The following SGPP2 variants were observed in gnomAD, a reference collection of about 807,000 sequenced individuals.
SGPP2 encodes sphingosine 1-phosphate phosphohydrolase 2.
Under a neutral mutation model 33.9 loss-of-function variants are expected in SGPP2, and 30 were observed. The ratio of observed to expected loss-of-function variants is 0.89; its 90% confidence interval spans 0.66 to 1.20. The LOEUF (loss-of-function observed/expected upper bound fraction) is 1.20. SGPP2 is among the 50% of genes most tolerant of loss of function. The pLI, the probability that SGPP2 is intolerant of heterozygous loss-of-function variation, is 0.00. For synonymous variants in SGPP2, 233 were observed against 225.0 expected, an observed-to-expected ratio of 1.04 and a Z score of -0.32; for missense variants, 458 against 532.1, an observed-to-expected ratio of 0.86 and a Z score of 1.37.
chr2:222,545,283 CTT>C (rs544252205), intron 4 of SGPP2, among the ~76,000 whole-genome samples: 48 of 135,854 alleles, frequency 3.5e-4, no homozygotes, highest in Non-Finnish European at 5.1e-4. Flanking sequence ...GAGCTTATGG[CTT>C]TTTTTTTTTT....
chr2:222,438,880 A>ATTTGGCCT (rs1485457153), intron 1 of SGPP2, among the ~76,000 whole-genome samples: 3 of 152,066 alleles, frequency 2.0e-5, no homozygotes, highest in African/African-American at 2.4e-5. Context: ...AATGGCTTCC[A>ATTTGGCCT]TTTGGCCTTT....
intron 1 of SGPP2, among the ~76,000 whole-genome samples, chr2:222,435,041 T>TATATATACAC (rs1257109779): frequency 4.1e-5 from 6 of 146,626 alleles, no homozygotes; most frequent in South Asian, 4.4e-4. Context: ...TATATATGTG[T>TATATATACAC]ATATATATAC....
At chr2:222,518,305 A>G (rs2106130852) in intron 2 of SGPP2, among the ~76,000 whole-genome samples, 1 of 152,362 alleles carries the variant, frequency 6.6e-6, no homozygotes, top group African/African-American at 2.4e-5. Flanking sequence ...ATAAATGAAG[A>G]CAAAGGAACT....
chr2:222,448,694 G>A (rs958094919), intron 1 of SGPP2, among the ~76,000 whole-genome samples: 2 of 152,212 alleles, frequency 1.3e-5, no homozygotes, highest in Non-Finnish European at 1.5e-5. Context: ...CCATGCAGAA[G>A]TCTCAAATTC....
intron 1 of SGPP2, among the ~76,000 whole-genome samples, chr2:222,474,312 C>CT (rs1197094220): frequency 2.0e-5 from 3 of 152,084 alleles, no homozygotes. Flanking sequence ...AAGTTTTTGG[C>CT]TTTTTTTGTG....
chr2:222,479,628 C>T (rs1169360726), intron 2 of SGPP2, among the ~76,000 whole-genome samples: 1 of 151,898 alleles, frequency 6.6e-6, no homozygotes, highest in African/African-American at 2.4e-5. Flanking sequence ...TGGTCTCGAT[C>T]TCCTGACCTC....
chr2:222,451,019 A>G (rs552823450), intron 1 of SGPP2, among the ~76,000 whole-genome samples: 1 of 152,100 alleles, frequency 6.6e-6, no homozygotes, highest in Non-Finnish European at 1.5e-5. Context: ...TAGAAAATGT[A>G]TTTTGACCAA....
intron 1 of SGPP2, among the ~76,000 whole-genome samples, chr2:222,426,225 AAAAAAAAAAG>A (rs1697069035): frequency 6.6e-6 from 1 of 151,390 alleles, no homozygotes; most frequent in African/African-American, 2.4e-5. Flanking sequence ...AAAAAAAAAA[AAAAAAAAAAG>A]ACCAAAACAA....
chr2:222,452,039 T>TTC (rs1553534982), intron 1 of SGPP2, among the ~76,000 whole-genome samples: 2 of 151,934 alleles, frequency 1.3e-5, no homozygotes, highest in Admixed American at 1.3e-4. Context: ...TCTTTTTTTT[T>TTC]CACATCAATT....
chr2:222,429,797 G>T (rs753907536), intron 1 of SGPP2, among the ~76,000 whole-genome samples: 1 of 152,156 alleles, frequency 6.6e-6, no homozygotes, highest in African/African-American at 2.4e-5. Context: ...ATATATTATT[G>T]CTCTTAATAG....
chr2:222,426,166 C>G (rs527301541), intron 1 of SGPP2, among the ~76,000 whole-genome samples: 1 of 142,360 alleles, frequency 7.0e-6, no homozygotes, highest in East Asian at 2.1e-4. Flanking sequence ...GCCAAGATCA[C>G]GCCACTGCAC....
At chr2:222,462,818 T>G (rs188942438) in intron 1 of SGPP2, among the ~76,000 whole-genome samples, 35 of 152,134 alleles carry the variant, frequency 2.3e-4, no homozygotes, top group Admixed American at 1.9e-3. Context: ...GAAAAAAAAT[T>G]GATAATCAGA....
At chr2:222,544,468 A>G (rs1351996642) in intron 4 of SGPP2, among the ~76,000 whole-genome samples, 1 of 152,240 alleles carries the variant, frequency 6.6e-6, no homozygotes, top group Non-Finnish European at 1.5e-5. Flanking sequence ...GAAAATCCAC[A>G]GATGTTCAAT....
intron 4 of SGPP2, among the ~76,000 whole-genome samples, chr2:222,539,223 A>G (rs1026915071): frequency 3.9e-5 from 6 of 152,206 alleles, no homozygotes; most frequent in African/African-American, 1.4e-4. Flanking sequence ...ACCAAAAGAA[A>G]GGGGCCGCAG....
intron 1 of SGPP2, among the ~76,000 whole-genome samples, chr2:222,426,927 G>A (rs896841329): frequency 1.3e-5 from 2 of 152,180 alleles, no homozygotes; most frequent in African/African-American, 4.8e-5. Context: ...TGCCTGAGCT[G>A]CCTGTCTTTT....
chr2:222,521,563 G>T lies in SGPP2; in HGVS notation c.379-204G>T, dbSNP rs149717474. Among the ~76,000 whole-genome samples the T allele has an allele frequency of 1.6e-3, 240 of 152,326 alleles. 1 individual carries two copies. Among genetic ancestry groups the T allele is most frequent in the Admixed American group, 0.013 (192 of 15,298 alleles). On this transcript the variant is annotated intron_variant, in intron 2 of 4. Transcript: ENST00000321276. Reference sequence around the variant, plus strand: ...TATGCATTAATGTCATATCTTAGTTGCTCAGTGGTCCTATGGAATCCAGAA... The same window carrying T: ...TATGCATTAATGTCATATCTTAGTTTCTCAGTGGTCCTATGGAATCCAGAA...
chr2:222,537,368 A>G (rs1445092616), intron 4 of SGPP2, among the ~76,000 whole-genome samples: 1 of 152,256 alleles, frequency 6.6e-6, no homozygotes, highest in Non-Finnish European at 1.5e-5. Flanking sequence ...AAGGGTAAAT[A>G]CAATGAATCA....
At chr2:222,451,788 A>G (rs1474995465) in intron 1 of SGPP2, among the ~76,000 whole-genome samples, 2 of 152,256 alleles carry the variant, frequency 1.3e-5, no homozygotes, top group Non-Finnish European at 2.9e-5. Flanking sequence ...TTTGCTGAGC[A>G]TGGTAGCAGA....
rs147837674 is a variant in SGPP2 at position 222,560,946 on chromosome 2, T to C, written c.*2048T>C. ...CACGGTACCCCGTCTCTACTGAAAA[T>C]ACAAAAAAATTAGCCGGACGTGGTG... is the stretch of plus-strand genomic sequence containing the variant. On this transcript the variant is annotated 3_prime_UTR_variant, in exon 5 of 5. Coordinates refer to ENST00000321276, the MANE Select transcript of SGPP2 (RefSeq NM_152386.4). 4,808 of 151,656 alleles carry C rather than the reference T, an allele frequency of 0.032. 118 individuals carry two copies. Among genetic ancestry groups the C allele is most frequent in the African/African-American group, 0.071 (2,915 of 41,294 alleles). The allele number at this position is 151,656 out of a possible 1,614,324, so 9.4% of individuals were successfully genotyped here.
Sources: gnomAD v4.1 joint callset for allele counts (sites outside exome capture counted in the v4.1 genomes callset) on GRCh38, gnomAD v4.1.1 for gene constraint, MANE v1.5 for transcripts, NCBI Gene and HGNC (gene_info 2026-07-23, HGNC 2026-07-21) for gene names.